PTK2: variants seen among roughly 807,000 people sequenced by gnomAD.
The protein encoded by PTK2 is focal adhesion kinase 1.
In PTK2, 45 loss-of-function variants were observed where a neutral mutation model predicts 150.1. The observed-to-expected ratio is 0.30, with a 90% confidence interval of 0.24 to 0.38. The LOEUF is 0.38. PTK2 is among the 10% of genes least tolerant of loss of function. PTK2 has a pLI of 1.00. For missense variants in PTK2, 919 were observed against 1,307.3 expected (o/e 0.70, Z 4.58); for synonymous variants, 432 against 449.2 (o/e 0.96, Z 0.48).
Position 140,803,062 on chromosome 8 carries a change from T to A in PTK2, c.975+481A>T, listed in dbSNP as rs998534686. On this transcript the variant is annotated intron_variant, in intron 11 of 31. Coordinates refer to ENST00000522684, the Ensembl canonical transcript of PTK2. ...CACGGTCTTGCTCTGTCACCCAGGC[T>A]GGAGTGCAGTTGTGTCATCTCAGCT... is the stretch of plus-strand genomic sequence containing the variant. Among the ~76,000 whole-genome samples, 14 of 135,628 alleles carry A rather than the reference T, an allele frequency of 1.0e-4. 1 individual carries two copies. The highest frequency in any genetic ancestry group is 1.8e-4 in the Non-Finnish European group (12 of 65,832). 89.0% of individuals were successfully genotyped at this position (135,628 alleles called of 152,430 possible).
chr8:140,764,908 T>C (rs1263002957), intron 14 of PTK2: 2 of 152,220 alleles, frequency 1.3e-5, no homozygotes, highest in Admixed American at 6.5e-5. Context: ...AAAAGGAGAA[T>C]AAGCAGCATA....
exon 6 of PTK2, chr8:140,846,600 G>A: frequency 6.3e-7 from 1 of 1,598,216 alleles, no homozygotes; most frequent in Non-Finnish European, 8.6e-7. Flanking sequence ...TCATCTTACC[G>A]TATTTCTAGA....
chr8:140,694,434 G>A (rs1363716404), intron 26 of PTK2, among the ~76,000 whole-genome samples: 1 of 152,106 alleles, frequency 6.6e-6, no homozygotes. Context: ...TCTTTTTCTA[G>A]TCAATGATTT....
intron 12 of PTK2, among the ~76,000 whole-genome samples, chr8:140,797,152 T>C (rs2100092150): frequency 6.8e-6 from 1 of 146,290 alleles, no homozygotes; most frequent in Non-Finnish European, 1.5e-5. Context: ...TCTGGCATTC[T>C]CCAGAAGTCT....
chr8:140,808,901 T>G (rs191522798), intron 10 of PTK2, among the ~76,000 whole-genome samples: 38 of 152,190 alleles, frequency 2.5e-4, no homozygotes, highest in Non-Finnish European at 5.3e-4. Flanking sequence ...CCTGGCTAAT[T>G]TTTGTATTTT....
intron 31 of PTK2, among the ~76,000 whole-genome samples, chr8:140,663,651 A>G (rs563691422): frequency 1.3e-5 from 2 of 152,338 alleles, no homozygotes; most frequent in African/African-American, 4.8e-5. Flanking sequence ...GCTGGGCTAC[A>G]GTATTTTGGG....
chr8:140,668,351 A>G, exon 30 of PTK2: 1 of 1,614,098 alleles, frequency 6.2e-7, no homozygotes, highest in Non-Finnish European at 8.5e-7. Flanking sequence ...CAGGCCCGTC[A>G]CATTCTCGTA....
intron 2 of PTK2, among the ~76,000 whole-genome samples, chr8:140,907,813 C>G (rs1300465156): frequency 6.6e-6 from 1 of 152,142 alleles, no homozygotes; most frequent in Admixed American, 6.5e-5. Flanking sequence ...TTAGTTGATA[C>G]GTGTGTGTCC....
chr8:140,962,768 G>A (rs1329030681), intron 1 of PTK2, among the ~76,000 whole-genome samples: 5 of 151,238 alleles, frequency 3.3e-5, no homozygotes, highest in Admixed American at 6.6e-5. Flanking sequence ...GTGACAGAGC[G>A]AGACTCCCTC....
At chr8:140,697,277 C>A (rs1286943723) in intron 26 of PTK2, among the ~76,000 whole-genome samples, 1 of 151,100 alleles carries the variant, frequency 6.6e-6, no homozygotes, top group East Asian at 1.9e-4. Flanking sequence ...AATGAAGATG[C>A]TCCAATTACA....
chr8:140,904,162 T>G lies in PTK2; in HGVS notation c.-32-13393A>C, dbSNP rs558458331. 3.7e-4 allele frequency among the ~76,000 whole-genome samples: 57 copies of G among 152,342 alleles called. 1 individual carries two copies. The highest frequency in any genetic ancestry group is 2.0e-3 in the Admixed American group (31 of 15,306). ...TTGTCATAAATAGCTCTTATTATTTTGAGATACGTTCCATCAATACGTACT... is the reference window on the plus strand; with the variant it reads ...TTGTCATAAATAGCTCTTATTATTTGGAGATACGTTCCATCAATACGTACT... On this transcript the variant is annotated intron_variant, in intron 2 of 31. Transcript: ENST00000522684.
chr8:140,789,605 T>G (rs1291267036), intron 13 of PTK2, 79 bp from the exon 14 acceptor site: 12 of 1,399,330 alleles, frequency 8.6e-6, no homozygotes, highest in Non-Finnish European at 1.2e-5. Flanking sequence ...AGTGGGGAAC[T>G]GCCTTGGATG....
chr8:140,909,747 AG>A (rs1268654579), intron 2 of PTK2: 1 of 152,224 alleles, frequency 6.6e-6, no homozygotes, highest in African/African-American at 2.4e-5. Context: ...GGCCAAGAAA[AG>A]GGGAGTTCAA....
chr8:140,674,409 TGAGA>T lies in PTK2; in HGVS notation c.2603-9_2603-6del. On this transcript the variant is annotated splice_polypyrimidine_tract_variant and splice_region_variant and intron_variant, in intron 28 of 31. Coordinates refer to ENST00000522684, the Ensembl canonical transcript of PTK2. The stretch of plus-strand genomic sequence containing the variant: ...TCTTTGGTGGAGCTGCAGGATCTGG[TGAGA>T]GAGAATGATTCCCATTAAGTCATGT... The T allele has an allele frequency of 6.3e-7, 1 of 1,578,576 alleles. No individual in the cohort carries two copies.
chr8:140,733,138 G>A (rs1488810973), intron 22 of PTK2, among the ~76,000 whole-genome samples: 2 of 152,182 alleles, frequency 1.3e-5, no homozygotes, highest in Non-Finnish European at 2.9e-5. Flanking sequence ...AAGAGCGTGG[G>A]ATGGAGGGTG....
intron 1 of PTK2, among the ~76,000 whole-genome samples, chr8:140,998,716 G>A (rs1231026047): frequency 6.6e-6 from 1 of 151,860 alleles, no homozygotes; most frequent in East Asian, 1.9e-4. Flanking sequence ...CTACTTGGGA[G>A]GCTGAAGCAG....
intron 1 of PTK2, among the ~76,000 whole-genome samples, chr8:140,990,026 G>A (rs969278023): frequency 6.6e-6 from 1 of 152,084 alleles, no homozygotes; most frequent in Admixed American, 6.5e-5. Context: ...GGTTATAAGA[G>A]CAGAGAAGAG....
intron 1 of PTK2, among the ~76,000 whole-genome samples, chr8:140,990,908 A>G (rs2100195484): frequency 6.6e-6 from 1 of 152,114 alleles, no homozygotes; most frequent in African/African-American, 2.4e-5. Flanking sequence ...AATGGACGGG[A>G]GACTCTTTTT....
intron 2 of PTK2, among the ~76,000 whole-genome samples, chr8:140,924,091 C>T (rs868371193): frequency 4.6e-5 from 7 of 152,180 alleles, no homozygotes; most frequent in Non-Finnish European, 8.8e-5. Flanking sequence ...TCCCCTCTAT[C>T]GCCAAGGATC....
Sources: gnomAD v4.1 joint callset for allele counts (sites outside exome capture counted in the v4.1 genomes callset) on GRCh38, gnomAD v4.1.1 for gene constraint, MANE v1.5 for transcripts, NCBI Gene and HGNC (gene_info 2026-07-23, HGNC 2026-07-21) for gene names.